The following GMPPA variants were observed in gnomAD, a reference collection of about 807,000 sequenced individuals.
GMPPA encodes mannose-1-phosphate guanylyltransferase regulatory subunit alpha.
Under a neutral mutation model 58.6 loss-of-function variants are expected in GMPPA, and 46 were observed. That is an observed-to-expected ratio of 0.78 (90% CI 0.62 to 1.00). The LOEUF is 1.00. Ranked by LOEUF, GMPPA falls within the 50% of genes least tolerant of loss-of-function variation. The pLI is 0.00. For missense variants in GMPPA, 468 were observed against 556.4 expected, an observed-to-expected ratio of 0.84 and a Z score of 1.60; for synonymous variants, 211 against 214.9, an observed-to-expected ratio of 0.98 and a Z score of 0.16.
chr2:219,502,351 G>T lies in GMPPA; in HGVS notation c.430-31G>T. 1 of 1,601,342 alleles carries T rather than the reference G, an allele frequency of 6.2e-7. No individual in the cohort carries two copies. The highest frequency in any genetic ancestry group is 1.3e-5 in the African/African-American group (1 of 74,778). The stretch of plus-strand genomic sequence containing the variant: ...AGACGTGGCTGCCCTGGAGCAGGCG[G>T]GTCACTGTCTCGGGTGTGTCTGTCT... On this transcript the variant is annotated intron_variant, in intron 5 of 12. Coordinates refer to ENST00000313597, the MANE Select transcript of GMPPA (RefSeq NM_013335.4). The surrounding 1 kb of genome is among the most constrained non-coding windows in gnomAD (Gnocchi z 4.0).
chr2:219,501,403 C>A, intron 3 of GMPPA, 73 bp from the exon 4 acceptor site: 1 of 974,038 alleles, frequency 1.0e-6, no homozygotes. Context: ...GGACTTTGGG[C>A]CAGCACCAAG....
At position 219,501,555 on chromosome 2, in the gene GMPPA, A is replaced by G. The variant is rs1429044592; in HGVS notation, c.218A>G (p.Gln73Arg). ...CTCACCCAGTTCCTAGAAGCCGCCC[A>G]GCAGGAGTTTAACCTTCCAGTCAGG... ...EPLTQFLEAA[Q>R]QEFNLPVRYL... Residue 73 changes from glutamine (Q) to arginine (R), a missense_variant, in exon 4 of 13, where the codon CAG becomes CGG. Gln to Arg is a conservative substitution (Grantham distance 43). Transcript: ENST00000313597. 1 of 1,611,108 alleles carries G rather than the reference A, an allele frequency of 6.2e-7. No homozygotes were observed. The highest frequency in any genetic ancestry group is 8.5e-7 in the Non-Finnish European group (1 of 1,177,220).
rs773192533 is a variant in GMPPA, at chr2:219,506,721, G to A, written c.1186G>A (p.Glu396Lys). 3 of 1,604,110 alleles carry A rather than the reference G, an allele frequency of 1.9e-6. No homozygotes were observed. Among genetic ancestry groups the A allele is most frequent in the Non-Finnish European group, 2.6e-6 (3 of 1,171,278 alleles). ...AGGCTGCCGAGTCCGGATCCCTGCC[G>A]AGGTGCTCATCCTGAACTCGATTGT... ...ILGCRVRIPA[E>K]VLILNSIVLP... Residue 396 changes from glutamate (E) to lysine (K), a missense_variant, in exon 13 of 13, where the codon GAG becomes AAG. Glu to Lys is a moderately conservative substitution (Grantham distance 56). Transcript: ENST00000313597.
rs754018219 is a variant in GMPPA, at chr2:219,506,392, G to A, written c.1132G>A (p.Gly378Arg). Residue 378 changes from glycine (G) to arginine (R), a missense_variant, in exon 12 of 13, where the codon GGG becomes AGG. Transcript: ENST00000313597. ...RMDSESLFKD[G>R]KLLPAITILG... ...GGACAGTGAGAGCCTCTTCAAGGAC[G>A]GGAAGCTGCTGCCTGCTATCACCAT... is the stretch of plus-strand genomic sequence containing the variant. The A allele has an allele frequency of 9.3e-6, 15 of 1,613,142 alleles. No individual in the cohort carries two copies. The highest frequency in any genetic ancestry group is 2.7e-5 in the African/African-American group (2 of 74,948).
intron 7 of GMPPA, chr2:219,504,871 G>A: frequency 9.0e-7 from 1 of 1,106,344 alleles, no homozygotes; most frequent in Non-Finnish European, 1.1e-6. Flanking sequence ...GCTCTGGGGT[G>A]AGTCTGTCTG....
chr2:219,500,254 C>T, intron 3 of GMPPA, 36 bp downstream of exon 3: 1 of 1,112,374 alleles, frequency 9.0e-7, no homozygotes, highest in Non-Finnish European at 1.3e-6. Context: ...ACCTCACTTC[C>T]TGCTTATCTT....
At chr2:219,500,573 C>T in intron 3 of GMPPA, 1 of 271,848 alleles carries the variant, frequency 3.7e-6, no homozygotes, top group Non-Finnish European at 7.1e-6. Flanking sequence ...TTCTTTATTG[C>T]TTTTCGTATT....
chr2:219,504,355 C>G (rs1694501939), intron 7 of GMPPA, 142 bp downstream of exon 7: 2 of 721,812 alleles, frequency 2.8e-6, no homozygotes. Flanking sequence ...CCAGCAGAGC[C>G]TCCTGAGTCC....
intron 1 of GMPPA, among the ~76,000 whole-genome samples, chr2:219,499,472 G>C (rs916318540): frequency 2.9e-4 from 44 of 152,200 alleles, no homozygotes; most frequent in Non-Finnish European, 2.9e-5. Context: ...TTGGGAATTT[G>C]AGGCTTCAGT....
At chr2:219,505,864 C>A in intron 10 of GMPPA, 103 bp downstream of exon 10, 1 of 1,162,060 alleles carries the variant, frequency 8.6e-7, no homozygotes, top group Non-Finnish European at 1.2e-6. Context: ...CACTTTGTCA[C>A]AGCCTATTGT....
At position 219,505,449 on chromosome 2, in the gene GMPPA, G is replaced by A. The variant is rs751864983; in HGVS notation, c.756-9G>A. 6 of 1,585,772 alleles carry A rather than the reference G, an allele frequency of 3.8e-6. No homozygotes were observed. Among genetic ancestry groups the A allele is most frequent in the South Asian group, 2.3e-5 (2 of 87,630 alleles). On this transcript the variant is annotated splice_polypyrimidine_tract_variant and intron_variant, in intron 8 of 12. Transcript: ENST00000313597. The stretch of plus-strand genomic sequence containing the variant: ...ACCCCTGAGCCCCTGTCCCCCTTGC[G>A]GTCCCCAGTTCAGCCCTCTACGCCT...
At chr2:219,500,045 G>A in intron 2 of GMPPA, 30 bp downstream of exon 2, 1 of 1,611,668 alleles carries the variant, frequency 6.2e-7, no homozygotes, top group Non-Finnish European at 8.5e-7. Context: ...GGGGGAGGAG[G>A]TTGGGCTGGA....
chr2:219,505,674 G>A (rs1178742519), intron 9 of GMPPA, 41 bp from the exon 10 acceptor site: 16 of 1,610,918 alleles, frequency 9.9e-6, no homozygotes, highest in Non-Finnish European at 1.3e-5. Flanking sequence ...ATCAAATTCG[G>A]TTTGGGATAT....
At position 219,505,497 on chromosome 2, in the gene GMPPA, C is replaced by A; in HGVS notation, c.795C>A (p.Tyr265Ter). 6.3e-7 allele frequency: 1 copy of A among 1,579,922 alleles called. No homozygotes were observed. Among genetic ancestry groups the A allele is most frequent in the Non-Finnish European group, 8.6e-7 (1 of 1,162,762 alleles). The change falls in exon 9 of 13, where the codon TAC (tyrosine) becomes TAA (stop). Residue 265 changes from tyrosine to a stop codon, truncating the protein, a stop_gained. Transcript: ENST00000313597. LOFTEE classifies it high-confidence loss of function. The part of the protein sequence containing the change: ...LYASRLYLSR[Y>*]QDTHPERLAK... ...CCTCCCGCCTCTACCTGAGCCGATA[C>A]CAGGACACTCACCCAGAACGGCTGG...
Position 219,506,315 on chromosome 2 carries a change from G to A in GMPPA, c.1055G>A (p.Arg352His), listed in dbSNP as rs867708778. The change falls in exon 12 of 13, where the codon CGC (arginine) becomes CAC (histidine). Residue 352 changes from arginine (R) to histidine (H), a missense_variant. Physicochemically the swap from Arg to His is conservative, Grantham distance 29. Coordinates refer to ENST00000313597, the MANE Select transcript of GMPPA (RefSeq NM_013335.4). ...GWGSTVGRWA[R>H]VEGTPSDPNP... ...GGGAGCACCGTGGGACGCTGGGCCC[G>A]CGTGGAGGGTACCCCCAGTGACCCT... 11 of 1,613,854 alleles carry A rather than the reference G, an allele frequency of 6.8e-6. No homozygotes were observed. Among genetic ancestry groups the A allele is most frequent in the East Asian group, 2.2e-5 (1 of 44,876 alleles).
At chr2:219,506,461 A>G in intron 12 of GMPPA, 39 bp downstream of exon 12, 1 of 1,576,056 alleles carries the variant, frequency 6.3e-7, no homozygotes, top group Non-Finnish European at 8.6e-7. Context: ...GGAACCCCTC[A>G]GCTGATGGCC....
chr2:219,499,070 A>G (rs1694298420), intron 1 of GMPPA, 132 bp downstream of exon 1: 1 of 152,308 alleles, frequency 6.6e-6, no homozygotes, highest in South Asian at 2.1e-4. Context: ...AATCCCTGGC[A>G]ATGAGAGGCC....
chr2:219,501,770 A>C, intron 4 of GMPPA, 81 bp from the exon 5 acceptor site: 1 of 1,263,488 alleles, frequency 7.9e-7, no homozygotes. Context: ...CCTGGGAGCA[A>C]GCGGTGGCGG....
chr2:219,500,109 C>CT lies in GMPPA; in HGVS notation c.41-11dup. On this transcript the variant is annotated splice_polypyrimidine_tract_variant and intron_variant, in intron 2 of 12. Coordinates refer to ENST00000313597, the MANE Select transcript of GMPPA (RefSeq NM_013335.4). ...GCAGGAGGCCGAAATGTTCTCCTCTCTCCTCTCCCAGGAACTCGCTTCAGA... is the reference window on the plus strand; with the variant it reads ...GCAGGAGGCCGAAATGTTCTCCTCTCTTCCTCTCCCAGGAACTCGCTTCAGA... 6.2e-7 allele frequency: 1 copy of CT among 1,604,996 alleles called. No individual in the cohort carries two copies. The highest frequency in any genetic ancestry group is 8.5e-7 in the Non-Finnish European group (1 of 1,173,154).
Sources: allele counts gnomAD v4.1 joint callset (sites outside exome capture counted in the v4.1 genomes callset), GRCh38; gene constraint gnomAD v4.1.1; non-coding constraint Gnocchi (gnomAD v3.1); transcripts MANE v1.5; gene names NCBI Gene and HGNC (gene_info 2026-07-23, HGNC 2026-07-21).